Variants in BAZ2B observed in about 807,000 individuals in gnomAD.
BAZ2B encodes the protein bromodomain adjacent to zinc finger domain 2B.
In BAZ2B, 91 loss-of-function variants were observed where a neutral mutation model predicts 246.0. That is an observed-to-expected ratio of 0.37 (90% CI 0.31 to 0.44). The LOEUF (loss-of-function observed/expected upper bound fraction) is 0.44, where lower values mean the gene tolerates loss of function less well. Ranked by LOEUF, BAZ2B falls within the 20% of genes least tolerant of loss-of-function variation. BAZ2B has a pLI of 1.00. For missense variants in BAZ2B, 2,332 were observed against 2,533.7 expected, an observed-to-expected ratio of 0.92 and a Z score of 1.71; for synonymous variants, 855 against 860.0, an observed-to-expected ratio of 0.99 and a Z score of 0.10.
At chr2:159,460,558 T>C (rs2076287148) in intron 3 of BAZ2B, 1 of 152,070 alleles carries the variant, frequency 6.6e-6, no homozygotes, top group African/African-American at 2.4e-5. Context: ...ATTTGCAACA[T>C]TAAAAATCAG....
chr2:159,491,202 G>A (rs993863355), intron 2 of BAZ2B, among the ~76,000 whole-genome samples: 1 of 152,030 alleles, frequency 6.6e-6, no homozygotes, highest in Non-Finnish European at 1.5e-5. Flanking sequence ...CCTTTAGTTG[G>A]CTATTGATAT....
At chr2:159,580,596 T>C (rs1686516833) in intron 1 of BAZ2B, among the ~76,000 whole-genome samples, 3 of 152,090 alleles carry the variant, frequency 2.0e-5, no homozygotes, top group African/African-American at 4.8e-5. Context: ...AAAAAAGAGC[T>C]CGCGTTGCCA....
At chr2:159,667,644 A>AT in the BAZ2B span, among the ~76,000 whole-genome samples, 1 of 148,874 alleles carries the variant, frequency 6.7e-6, no homozygotes, top group Non-Finnish European at 1.5e-5. Flanking sequence ...AAATAAATAA[A>AT]AGACTCTCCA....
intron 8 of BAZ2B, chr2:159,433,760 A>G (rs2071593251): frequency 1.2e-5 from 2 of 164,586 alleles, no homozygotes; most frequent in Admixed American, 1.2e-4. Context: ...CCCAGCCAGA[A>G]GCATTCTTTG....
rs2062471511 is a variant in BAZ2B at position 159,319,620 on chromosome 2, T to C, written c.*645A>G. The C allele has an allele frequency of 6.6e-6, 1 of 152,640 alleles. No homozygotes were observed. The highest frequency in any genetic ancestry group is 2.1e-4 in the South Asian group (1 of 4,838). The allele number at this position is 152,640 out of a possible 1,614,324, so 9.5% of individuals were successfully genotyped here. ...TCACTGTTTTGAAATACAATTTAAC[T>C]ACACAAGTGATGCAGCAACATATAT... is the stretch of plus-strand genomic sequence containing the variant. On this transcript the variant is annotated 3_prime_UTR_variant, in exon 37 of 37. Coordinates refer to ENST00000392783, the MANE Select transcript of BAZ2B (RefSeq NM_013450.4). This position sits in a 1 kb window ranked among gnomAD's most constrained non-coding sequence, Gnocchi z 4.0.
intron 27 of BAZ2B, among the ~76,000 whole-genome samples, chr2:159,372,547 A>C (rs192969256): frequency 1.5e-3 from 222 of 152,352 alleles, no homozygotes; most frequent in African/African-American, 5.0e-3. Flanking sequence ...ATTTGTGGTA[A>C]CACAAAATTC....
At chr2:159,671,593 T>C in the BAZ2B span, among the ~76,000 whole-genome samples, 1 of 152,200 alleles carries the variant, frequency 6.6e-6, no homozygotes, top group Non-Finnish European at 1.5e-5. Context: ...CCCATCCTGC[T>C]GAACTTTTCA....
intron 13 of BAZ2B, among the ~76,000 whole-genome samples, chr2:159,418,184 C>T (rs2068094316): frequency 1.3e-5 from 2 of 152,128 alleles, no homozygotes; most frequent in Admixed American, 1.3e-4. Flanking sequence ...AAATTTATTG[C>T]TCAACTTTTT....
intron 6 of BAZ2B, among the ~76,000 whole-genome samples, chr2:159,445,812 A>G (rs1177769993): frequency 6.6e-6 from 1 of 152,144 alleles, no homozygotes; most frequent in African/African-American, 2.4e-5. Flanking sequence ...AGAAAACACT[A>G]GAACCAGAAA....
chr2:159,576,150 AT>A (rs1685227846), intron 1 of BAZ2B, among the ~76,000 whole-genome samples: 2 of 152,344 alleles, frequency 1.3e-5, no homozygotes, highest in African/African-American at 4.8e-5. Flanking sequence ...TCTGAATTTG[AT>A]TCCTAGATTT....
At chr2:159,670,558 C>T in the BAZ2B span, 1 of 152,090 alleles carries the variant, frequency 6.6e-6, no homozygotes, top group Non-Finnish European at 1.5e-5. Flanking sequence ...GTATAAGTTA[C>T]TATTGTATAT....
chr2:159,545,501 T>C (rs1161480967), intron 2 of BAZ2B, among the ~76,000 whole-genome samples: 3 of 152,188 alleles, frequency 2.0e-5, no homozygotes, highest in African/African-American at 4.8e-5. Flanking sequence ...TTTCAAGTTG[T>C]TAAAATATAT....
the BAZ2B span, chr2:159,690,016 C>A: frequency 2.5e-6 from 1 of 407,592 alleles, no homozygotes; most frequent in Non-Finnish European, 4.5e-6. Flanking sequence ...AAGTAAGATC[C>A]ATGACATGGA....
At chr2:159,381,063 C>A (rs1331265871) in intron 25 of BAZ2B, among the ~76,000 whole-genome samples, 1 of 152,156 alleles carries the variant, frequency 6.6e-6, no homozygotes, top group Non-Finnish European at 1.5e-5. Context: ...GCTTCTTGAA[C>A]AAGGAGCCTT....
the BAZ2B span, among the ~76,000 whole-genome samples, chr2:159,658,941 A>G: frequency 6.6e-6 from 1 of 152,182 alleles, no homozygotes; most frequent in South Asian, 2.1e-4. Context: ...GGTATTAGCC[A>G]TTGTGGCTGG....
At chr2:159,567,326 A>C (rs985347815) in intron 1 of BAZ2B, among the ~76,000 whole-genome samples, 1 of 152,242 alleles carries the variant, frequency 6.6e-6, no homozygotes, top group Non-Finnish European at 1.5e-5. Context: ...CCTGTTCATC[A>C]GTGCAGAGAA....
chr2:159,658,533 T>C, the BAZ2B span, among the ~76,000 whole-genome samples: 29 of 152,244 alleles, frequency 1.9e-4, no homozygotes, highest in Admixed American at 3.3e-4. Flanking sequence ...TTATACTTTT[T>C]TGGAGACAGA....
intron 1 of BAZ2B, among the ~76,000 whole-genome samples, chr2:159,567,885 T>C (rs1020176836): frequency 2.0e-5 from 3 of 152,102 alleles, no homozygotes; most frequent in African/African-American, 7.2e-5. Context: ...GGCAGGAGAA[T>C]CGCTTGAACC....
At chr2:159,325,581 T>C in intron 35 of BAZ2B, 72 bp downstream of exon 35, 1 of 1,445,136 alleles carries the variant, frequency 6.9e-7, no homozygotes, top group Non-Finnish European at 9.3e-7. Context: ...AAAGCTTTAA[T>C]ATGGTAAAAG....
Sources: allele counts gnomAD v4.1 joint callset (sites outside exome capture counted in the v4.1 genomes callset), GRCh38; gene constraint gnomAD v4.1.1; non-coding constraint Gnocchi (gnomAD v3.1); transcripts MANE v1.5; gene names NCBI Gene and HGNC (gene_info 2026-07-23, HGNC 2026-07-21).